The following COL5A1 variants were observed in gnomAD, a reference collection of about 807,000 sequenced individuals.
COL5A1 encodes collagen alpha-1(V) chain.
COL5A1 carries 16 observed loss-of-function variants against 263.7 expected under a neutral mutation model. That is an observed-to-expected ratio of 0.06 (90% CI 0.04 to 0.09). COL5A1 has a LOEUF of 0.09. Among genes scored for constraint, COL5A1 ranks in the 10% least tolerant of loss-of-function variants. The pLI, the probability that COL5A1 is intolerant of heterozygous loss-of-function variation, is 1.00. For missense variants in COL5A1, 2,036 were observed against 2,540.5 expected (o/e 0.80, Z 4.27); for synonymous variants, 1,012 against 1,004.5 (o/e 1.01, Z -0.14).
At chr9:134,733,197 G>A (rs961023321) in intron 9 of COL5A1, among the ~76,000 whole-genome samples, 1 of 152,218 alleles carries the variant, frequency 6.6e-6, no homozygotes, top group Non-Finnish European at 1.5e-5. Context: ...TTCCCAGAAT[G>A]TGCAGTCACA....
At position 134,757,677 on chromosome 9, in the gene COL5A1, A is replaced by G. The variant is rs774094942; in HGVS notation, c.1882-566A>G. 1.3e-5 allele frequency among the ~76,000 whole-genome samples: 2 copies of G among 152,146 alleles called. No homozygotes were observed. Among genetic ancestry groups the G allele is most frequent in the Non-Finnish European group, 2.9e-5 (2 of 68,020 alleles). On this transcript the variant is annotated intron_variant, in intron 17 of 65. Transcript: ENST00000371817. This position sits in a 1 kb window ranked among gnomAD's most constrained non-coding sequence, Gnocchi z 6.2. ...CATGGCTGAAAGCCTAAAATGTCCC[A>G]TCATCGACATCACCCCAGATGGTGT...
intron 42 of COL5A1, among the ~76,000 whole-genome samples, chr9:134,807,679 G>A (rs139085040): frequency 6.6e-6 from 1 of 152,290 alleles, no homozygotes; most frequent in East Asian, 1.9e-4. Flanking sequence ...GAACTTCCCT[G>A]GAAACCACAT....
At chr9:134,811,019 T>C (rs1212935719) in intron 44 of COL5A1, among the ~76,000 whole-genome samples, 1 of 152,194 alleles carries the variant, frequency 6.6e-6, no homozygotes, top group Non-Finnish European at 1.5e-5. Context: ...CTTGTGATCC[T>C]GGACCCTCAC....
chr9:134,817,695 A>C, intron 53 of COL5A1, 83 bp from the exon 54 acceptor site: 1 of 1,270,424 alleles, frequency 7.9e-7, no homozygotes. Context: ...ACACACACAC[A>C]CACCCTGAGC....
intron 31 of COL5A1, among the ~76,000 whole-genome samples, chr9:134,788,795 G>T (rs1837564919): frequency 6.8e-6 from 1 of 147,874 alleles, no homozygotes; most frequent in Non-Finnish European, 1.5e-5. Context: ...TGGATGGGTG[G>T]GTAGACAGGT....
In COL5A1 at chr9:134,708,480, G is replaced by A. The variant is rs144840554; in HGVS notation, c.654+7147G>A. ...GACACTGTCACCCTTCTAGGTCCTCGGTCCAAGACCCGCATCTACCCAGCC... is the reference window on the plus strand; with the variant it reads ...GACACTGTCACCCTTCTAGGTCCTCAGTCCAAGACCCGCATCTACCCAGCC... On this transcript the variant is annotated intron_variant, in intron 4 of 65. Transcript: ENST00000371817. The A allele has an allele frequency of 6.7e-4, 304 of 456,484 alleles. 1 individual carries two copies. The highest frequency in any genetic ancestry group is 5.6e-3 in the African/African-American group (283 of 50,112). The allele number at this position is 456,484 out of a possible 1,614,324, so 28.3% of individuals were successfully genotyped here.
At chr9:134,772,336 C>A (rs1237546519) in intron 25 of COL5A1, among the ~76,000 whole-genome samples, 1 of 152,260 alleles carries the variant, frequency 6.6e-6, no homozygotes, top group Non-Finnish European at 1.5e-5. Flanking sequence ...AACCTGGTCC[C>A]AGCTCATTAT....
chr9:134,820,781 C>A (rs909107807), intron 58 of COL5A1, among the ~76,000 whole-genome samples: 2 of 152,136 alleles, frequency 1.3e-5, no homozygotes, highest in African/African-American at 4.8e-5. Context: ...GTGACGTGTG[C>A]CATGGAGGCA....
intron 64 of COL5A1, among the ~76,000 whole-genome samples, chr9:134,831,222 T>A (rs148965364): frequency 4.1e-4 from 62 of 152,314 alleles, no homozygotes; most frequent in Admixed American, 5.9e-4. Context: ...CTGAAGCCCC[T>A]CGTCTCATAA....
intron 16 of COL5A1, among the ~76,000 whole-genome samples, chr9:134,756,474 C>A (rs1408133369): frequency 6.6e-6 from 1 of 152,238 alleles, no homozygotes; most frequent in African/African-American, 2.4e-5. Flanking sequence ...CACATTGTGG[C>A]GTCTTCTCGA....
At chr9:134,786,910 G>A (rs1346241673) in intron 31 of COL5A1, among the ~76,000 whole-genome samples, 1 of 152,188 alleles carries the variant, frequency 6.6e-6, no homozygotes, top group Non-Finnish European at 1.5e-5. Flanking sequence ...GTGGGCTGAG[G>A]CTGCCCTCCA....
chr9:134,769,235 G>A (rs188185527), intron 25 of COL5A1, among the ~76,000 whole-genome samples: 2 of 152,260 alleles, frequency 1.3e-5, no homozygotes, highest in South Asian at 2.1e-4. Context: ...GATGATTATC[G>A]GTGACTGCTC....
In COL5A1 at chr9:134,820,187, T is replaced by A; in HGVS notation, c.4518T>A (p.Pro1506=). 1 of 1,613,952 alleles carries A rather than the reference T, an allele frequency of 6.2e-7. No homozygotes were observed. Among genetic ancestry groups the A allele is most frequent in the Non-Finnish European group, 8.5e-7 (1 of 1,179,974 alleles). Residue 1506 remains proline (P), a synonymous_variant, in exon 58 of 66, where the codon CCT becomes CCA. Transcript: ENST00000371817. ...GTGAGAAGGGCGACCGTGGTCTCCC[T>A]GGCCCCCAGGGCTCCTCCGGTCCTA... ...EQGEKGDRGL[P]GPQGSSGPKG...
At chr9:134,705,407 G>A (rs889108020) in intron 4 of COL5A1, among the ~76,000 whole-genome samples, 1 of 152,224 alleles carries the variant, frequency 6.6e-6, no homozygotes, top group Non-Finnish European at 1.5e-5. Flanking sequence ...CCCAGCCCCT[G>A]AGTCTGGTTC....
At chr9:134,768,511 C>T (rs753024355) in intron 25 of COL5A1, 48 bp downstream of exon 25, 2 of 1,579,836 alleles carry the variant, frequency 1.3e-6, no homozygotes, top group Non-Finnish European at 1.7e-6. Context: ...CCCACCTCCA[C>T]CCTGCGGATA....
chr9:134,812,763 T>C (rs1163819054), intron 48 of COL5A1, 51 bp downstream of exon 48: 1 of 1,141,188 alleles, frequency 8.8e-7, no homozygotes. Context: ...TTGAGGAGTG[T>C]GTGTGTGTGT....
chr9:134,729,944 T>C (rs1834816040), intron 6 of COL5A1, among the ~76,000 whole-genome samples: 1 of 152,188 alleles, frequency 6.6e-6, no homozygotes. Context: ...TTTTAAATAC[T>C]GAGATATGAT....
intron 63 of COL5A1, among the ~76,000 whole-genome samples, chr9:134,828,811 CCACA>C (rs906680873): frequency 4.7e-5 from 7 of 150,180 alleles, no homozygotes; most frequent in African/African-American, 1.5e-4. Flanking sequence ...CACACAGATA[CCACA>C]CACACACACC....
intron 27 of COL5A1, 95 bp downstream of exon 27, chr9:134,775,007 T>C: frequency 8.7e-7 from 1 of 1,150,380 alleles, no homozygotes; most frequent in Admixed American, 2.0e-5. Context: ...CTCTGTGGTT[T>C]AATGTCCCTG....
Sources: allele counts gnomAD v4.1 joint callset (sites outside exome capture counted in the v4.1 genomes callset), GRCh38; gene constraint gnomAD v4.1.1; non-coding constraint Gnocchi (gnomAD v3.1); transcripts MANE v1.5; gene names NCBI Gene and HGNC (gene_info 2026-07-23, HGNC 2026-07-21).